The following SYNE2 variants were observed in gnomAD, a reference collection of about 807,000 sequenced individuals.
SYNE2 encodes the protein spectrin repeat containing nuclear envelope protein 2.
Under a neutral mutation model 856.3 loss-of-function variants are expected in SYNE2, and 431 were observed. That is an observed-to-expected ratio of 0.50 (90% CI 0.47 to 0.55). The LOEUF (loss-of-function observed/expected upper bound fraction) is 0.55, where lower values mean the gene tolerates loss of function less well. Among genes scored for constraint, SYNE2 ranks in the 20% least tolerant of loss-of-function variants. SYNE2 has a pLI of 0.00. For synonymous variants in SYNE2, 2,923 were observed against 2,872.3 expected (o/e 1.02, Z -0.56); for missense variants, 8,129 against 8,023.2 (o/e 1.01, Z -0.50).
chr14:64,104,015 A>C (rs1384738665), intron 64 of SYNE2, among the ~76,000 whole-genome samples: 1 of 152,212 alleles, frequency 6.6e-6, no homozygotes, highest in Non-Finnish European at 1.5e-5. Flanking sequence ...GAGTGGAAAG[A>C]AGCTTATCGT....
At chr14:64,212,188 A>G in intron 104 of SYNE2, 90 bp downstream of exon 104, 1 of 1,597,820 alleles carries the variant, frequency 6.3e-7, no homozygotes, top group Non-Finnish European at 8.5e-7. Flanking sequence ...CGATACTCTG[A>G]GAGCAAATTT....
chr14:63,953,515 T>A (rs371094437), intron 7 of SYNE2, among the ~76,000 whole-genome samples: 1 of 137,262 alleles, frequency 7.3e-6, no homozygotes, highest in Non-Finnish European at 1.6e-5. Context: ...ATGATGTTGA[T>A]TGATAAATAG....
At position 64,150,321 on chromosome 14, in the gene SYNE2, A is replaced by AAAAAAAAAAAG. The variant is rs766798501; in HGVS notation, c.15640-2243_15640-2242insAAAAAAAAAAG. Among the ~76,000 whole-genome samples, 67 of 119,464 alleles carry AAAAAAAAAAAG rather than the reference A, an allele frequency of 5.6e-4. 10 individuals are homozygous for AAAAAAAAAAAG. The highest frequency in any genetic ancestry group is 2.5e-3 in the South Asian group (9 of 3,578). The allele number at this position is 119,464 out of a possible 152,430, so 78.4% of individuals were successfully genotyped here. A position where few individuals can be genotyped will look rare whatever the true frequency, so the allele number is the denominator to read the frequency against. On this transcript the variant is annotated intron_variant, in intron 84 of 115. Transcript: ENST00000555002. ...AAAAAAAAAAAAAAAAAAAAAAAAA[A>AAAAAAAAAAAG]GGATCCTCCCGCCTCAGCCTCTCAA...
rs1274837271 is a variant in SYNE2, at chr14:64,221,650, C to T, written c.20136C>T (p.Val6712=). ...AGAACCGGAGGCAGAAGGCTCATGT[C>T]ACCGATCCAAAGGCAGACCCCCGGG... is the stretch of plus-strand genomic sequence containing the variant. ...SAKNRRQKAH[V]TDPKADPRAL... Residue 6712 remains valine, a synonymous_variant, in exon 112 of 116, where the codon GTC becomes GTT. Transcript: ENST00000555002. The T allele has an allele frequency of 4.3e-6, 7 of 1,614,130 alleles. No homozygotes were observed. The highest frequency in any genetic ancestry group is 1.7e-5 in the Admixed American group (1 of 60,014).
intron 1 of SYNE2, among the ~76,000 whole-genome samples, chr14:63,803,255 G>A (rs951869894): frequency 6.6e-6 from 1 of 152,222 alleles, no homozygotes; most frequent in Non-Finnish European, 1.5e-5. Flanking sequence ...AGTCCAGCGC[G>A]GTGCGCTCGC....
intron 1 of SYNE2, among the ~76,000 whole-genome samples, chr14:63,871,604 ATTT>A (rs35904188): frequency 1.1e-4 from 16 of 147,538 alleles, no homozygotes; most frequent in African/African-American, 2.2e-4. Flanking sequence ...AAGAGATGTC[ATTT>A]TTTTTTTTTT....
chr14:64,186,709 C>T (rs1323479425), intron 97 of SYNE2, 130 bp downstream of exon 97: 15 of 1,201,984 alleles, frequency 1.2e-5, no homozygotes, highest in Admixed American at 1.9e-5. Flanking sequence ...CTGGCCCGGC[C>T]GCTGCTCCTT....
chr14:64,186,183 G>A (rs2098489340), intron 96 of SYNE2, among the ~76,000 whole-genome samples: 1 of 152,184 alleles, frequency 6.6e-6, no homozygotes, highest in African/African-American at 2.4e-5. Context: ...ATCAAAATCA[G>A]AGCTACCTGA....
chr14:64,023,861 C>T, intron 38 of SYNE2: 2 of 217,624 alleles, frequency 9.2e-6, no homozygotes, highest in South Asian at 7.6e-5. Flanking sequence ...GCTTGTTTGC[C>T]TTTAATTTTG....
intron 109 of SYNE2, 142 bp from the exon 110 acceptor site, chr14:64,219,066 C>G: frequency 2.6e-6 from 2 of 764,276 alleles, no homozygotes; most frequent in East Asian, 2.7e-5. Flanking sequence ...CTCCCAAAAC[C>G]AGACCCTTCT....
At chr14:64,158,283 A>G (rs2098301618) in intron 85 of SYNE2, among the ~76,000 whole-genome samples, 1 of 152,208 alleles carries the variant, frequency 6.6e-6, no homozygotes, top group African/African-American at 2.4e-5. Context: ...AGGGTCCAAT[A>G]AGTTGCCCAA....
At chr14:63,827,641 A>C (rs867422637) in intron 1 of SYNE2, among the ~76,000 whole-genome samples, 967 of 102,912 alleles carry the variant, frequency 9.4e-3, no homozygotes, top group Middle Eastern at 0.03. Flanking sequence ...AAAAAAAAAA[A>C]AAAAAAAAAA....
intron 100 of SYNE2, among the ~76,000 whole-genome samples, chr14:64,203,597 GCCTTC>G (rs1446365404): frequency 6.6e-6 from 1 of 152,160 alleles, no homozygotes; most frequent in African/African-American, 2.4e-5. Context: ...CCACTTTCCT[GCCTTC>G]CCTGGTCTCA....
chr14:64,123,829 C>T (rs568514693), intron 70 of SYNE2, among the ~76,000 whole-genome samples: 3 of 151,390 alleles, frequency 2.0e-5, no homozygotes, highest in East Asian at 1.9e-4. Flanking sequence ...AGCCCTGTAG[C>T]GTGAATGTTG....
chr14:63,931,819 A>G (rs995734408), intron 2 of SYNE2, among the ~76,000 whole-genome samples: 7 of 152,176 alleles, frequency 4.6e-5, no homozygotes, highest in Admixed American at 2.0e-4. Context: ...CTTATGTACC[A>G]GAAGTTCAAG....
chr14:63,965,542 C>T (rs1013700762), intron 10 of SYNE2, among the ~76,000 whole-genome samples: 3 of 152,180 alleles, frequency 2.0e-5, no homozygotes, highest in Non-Finnish European at 4.4e-5. Flanking sequence ...GTTCCTCAGT[C>T]CCGTTTCTTA....
At chr14:64,032,719 T>C (rs537815237) in intron 45 of SYNE2, among the ~76,000 whole-genome samples, 7 of 152,282 alleles carry the variant, frequency 4.6e-5, no homozygotes, top group Admixed American at 4.6e-4. Flanking sequence ...ATTACAGGCA[T>C]GTGCCACCAC....
At position 64,052,148 on chromosome 14, in the gene SYNE2, T is replaced by G. The variant is rs761646395; in HGVS notation, c.8235T>G (p.Asn2745Lys). The G allele has an allele frequency of 9.3e-6, 15 of 1,614,130 alleles. No individual in the cohort carries two copies. The highest frequency in any genetic ancestry group is 1.2e-5 in the Non-Finnish European group (14 of 1,180,028). The change falls in exon 48 of 116, where the codon AAT becomes AAG. Residue 2745 changes from asparagine (N) to lysine (K), a missense_variant. Physicochemically the swap from Asn to Lys is moderately conservative, Grantham distance 94 (BLOSUM62 0). Transcript: ENST00000555002. ...AAGAGACTATCTTATGGGCCAAGAA[T>G]TTGTTGGGTGAACTTAATCCCTCCA... ...KMKETILWAKNLLGELNPSIP... is the reference protein window; with the variant it reads ...KMKETILWAKKLLGELNPSIP...
chr14:63,830,840 CTT>C (rs11427202), intron 1 of SYNE2, among the ~76,000 whole-genome samples: 9 of 108,680 alleles, frequency 8.3e-5, no homozygotes, highest in East Asian at 5.2e-4. Context: ...TGATCCCATT[CTT>C]TTTTTTTTTT....
Sources: allele counts gnomAD v4.1 joint callset (sites outside exome capture counted in the v4.1 genomes callset), GRCh38; gene constraint gnomAD v4.1.1; transcripts MANE v1.5; gene names NCBI Gene and HGNC (gene_info 2026-07-23, HGNC 2026-07-21).